CMIP: variants seen among roughly 807,000 people sequenced by gnomAD.
CMIP encodes the protein C-Maf-inducing protein.
A neutral mutation model predicts 97.3 loss-of-function variants in CMIP; 13 were observed. The observed-to-expected ratio is 0.13, with a 90% CI of 0.09 to 0.21. The LOEUF (loss-of-function observed/expected upper bound fraction) is 0.21. Among genes scored for constraint, CMIP ranks in the 10% least tolerant of loss-of-function variants. CMIP has a pLI of 1.00. For missense variants in CMIP, 847 were observed against 1,024.9 expected (o/e 0.83, Z 2.37); for synonymous variants, 538 against 436.3 (o/e 1.23, Z -2.91).
intron 1 of CMIP, among the ~76,000 whole-genome samples, chr16:81,488,999 C>T (rs1162736177): frequency 6.6e-6 from 1 of 150,914 alleles, no homozygotes; most frequent in Non-Finnish European, 1.5e-5. Context: ...TCAGTCTCTT[C>T]CCATTCTTTC....
chr16:81,666,596 G>A (rs1348562077), intron 7 of CMIP: 3 of 152,114 alleles, frequency 2.0e-5, no homozygotes, highest in Non-Finnish European at 2.9e-5. Flanking sequence ...AGAGAGTAGG[G>A]ACCCTCAGCC....
chr16:81,661,047 C>A (rs1199838817), intron 6 of CMIP, 101 bp downstream of exon 6: 5 of 1,451,444 alleles, frequency 3.4e-6, no homozygotes, highest in Non-Finnish European at 3.9e-6. Flanking sequence ...AACCTGGGCC[C>A]CACCGTCTTG....
In CMIP at chr16:81,548,633, G is replaced by A. The variant is rs534086499; in HGVS notation, c.301-58934G>A. On this transcript the variant is annotated intron_variant, in intron 1 of 20. Coordinates refer to ENST00000537098, the MANE Select transcript of CMIP (RefSeq NM_198390.3). ...AGGTGGGAGGATCACTTGAAGCTAGGAGTTGGAGACCAGCCTCAGCAACAT... is the reference window on the plus strand; with the variant it reads ...AGGTGGGAGGATCACTTGAAGCTAGAAGTTGGAGACCAGCCTCAGCAACAT... Among the ~76,000 whole-genome samples, 47 of 151,152 alleles carry A rather than the reference G, an allele frequency of 3.1e-4. No individual in the cohort carries two copies. The South Asian group carries it at 9.7e-3, about 31-fold the overall frequency.
chr16:81,474,144 C>CA (rs369941219), intron 1 of CMIP, among the ~76,000 whole-genome samples: 15 of 152,172 alleles, frequency 9.9e-5, no homozygotes, highest in African/African-American at 3.6e-4. Context: ...TCCACTCCCC[C>CA]AGCCTCCTAG....
intron 1 of CMIP, among the ~76,000 whole-genome samples, chr16:81,560,358 A>G (rs1001259575): frequency 1.3e-5 from 2 of 151,372 alleles, no homozygotes; most frequent in Non-Finnish European, 3.0e-5. Flanking sequence ...AGCTGGGACT[A>G]CAGGCTCCCG....
chr16:81,679,099 G>A (rs1904599509), intron 10 of CMIP, among the ~76,000 whole-genome samples: 1 of 152,228 alleles, frequency 6.6e-6, no homozygotes, highest in Non-Finnish European at 1.5e-5. Flanking sequence ...CATCTCTACT[G>A]TGTTGGGTGT....
At position 81,477,048 on chromosome 16, in the gene CMIP, G is replaced by C. The variant is rs551232032; in HGVS notation, c.300+31507G>C. On this transcript the variant is annotated intron_variant, in intron 1 of 20. Transcript: ENST00000537098. Reference sequence around the variant, plus strand: ...TTTTTATCTCGTGGGGCTAATTCATGCCGCGTTGAGCTGAGCACCTGGGCA... The same window carrying C: ...TTTTTATCTCGTGGGGCTAATTCATCCCGCGTTGAGCTGAGCACCTGGGCA... Among the ~76,000 whole-genome samples, 3 of 152,218 alleles carry C rather than the reference G, an allele frequency of 2.0e-5. No individual in the cohort carries two copies. In the East Asian group the frequency reaches 5.8e-4, roughly 29 times the overall value.
rs763266214 is a variant in CMIP, at chr16:81,499,975, T to C, written c.300+54434T>C. On this transcript the variant is annotated intron_variant, in intron 1 of 20. Coordinates refer to ENST00000537098, the MANE Select transcript of CMIP (RefSeq NM_198390.3). ...TGGGCTTCACCTGGCTCCTCTGCTT[T>C]GCTTGGGCTGCTGACTTCTGGAGGA... 3.0e-4 allele frequency among the ~76,000 whole-genome samples: 46 copies of C among 152,346 alleles called. No individual in the cohort carries two copies. In the Middle Eastern group the frequency reaches 0.01, roughly 34 times the overall value.
At chr16:81,638,171 A>T (rs1567625915) in intron 3 of CMIP, among the ~76,000 whole-genome samples, 1 of 152,152 alleles carries the variant, frequency 6.6e-6, no homozygotes, top group Non-Finnish European at 1.5e-5. Flanking sequence ...TCTCCTTTGT[A>T]TACTTCCTGG....
chr16:81,523,442 A>C (rs991271868), intron 1 of CMIP, among the ~76,000 whole-genome samples: 1 of 152,198 alleles, frequency 6.6e-6, no homozygotes, highest in Non-Finnish European at 1.5e-5. Flanking sequence ...GCCCACAGTC[A>C]CACGGCCGCA....
intron 1 of CMIP, among the ~76,000 whole-genome samples, chr16:81,602,654 C>T (rs1303055276): frequency 1.3e-5 from 2 of 152,200 alleles, no homozygotes; most frequent in African/African-American, 4.8e-5. Context: ...TTCAGGATGT[C>T]ATATAAATGG....
intron 1 of CMIP, among the ~76,000 whole-genome samples, chr16:81,458,643 G>A (rs1351569908): frequency 6.6e-6 from 1 of 152,136 alleles, no homozygotes; most frequent in Non-Finnish European, 1.5e-5. Flanking sequence ...GGGAGGTGGA[G>A]GCGTTAAATC....
At chr16:81,624,437 G>A (rs2092032810) in intron 3 of CMIP, among the ~76,000 whole-genome samples, 1 of 149,720 alleles carries the variant, frequency 6.7e-6, no homozygotes, top group East Asian at 2.0e-4. Flanking sequence ...ACGTTCTCCT[G>A]TATGTAAAGA....
At chr16:81,495,881 G>C (rs2089480741) in intron 1 of CMIP, among the ~76,000 whole-genome samples, 1 of 152,216 alleles carries the variant, frequency 6.6e-6, no homozygotes, top group Admixed American at 6.5e-5. Context: ...GAAGCTGTCA[G>C]TCCTCAGCCT....
chr16:81,580,729 C>T (rs1195544377), intron 1 of CMIP, among the ~76,000 whole-genome samples: 1 of 151,888 alleles, frequency 6.6e-6, no homozygotes, highest in African/African-American at 2.4e-5. Flanking sequence ...AGCCACTGCT[C>T]CTGGTTGCAG....
chr16:81,707,147 GTGCAT>G, intron 20 of CMIP, 63 bp downstream of exon 20: 8 of 1,371,036 alleles, frequency 5.8e-6, no homozygotes, highest in Non-Finnish European at 7.3e-6. Context: ...CTGGATGCTG[GTGCAT>G]CTCCTGCACA....
At chr16:81,678,660 G>T (rs1384892272) in intron 10 of CMIP, 32 bp downstream of exon 10, 1 of 1,091,078 alleles carries the variant, frequency 9.2e-7, no homozygotes, top group East Asian at 2.4e-5. Context: ...CCGCCCCCGG[G>T]GCCGGTGGGA....
chr16:81,592,728 C>T (rs1336260777), intron 1 of CMIP, among the ~76,000 whole-genome samples: 1 of 152,202 alleles, frequency 6.6e-6, no homozygotes, highest in East Asian at 1.9e-4. Flanking sequence ...CTCCTTTTCT[C>T]CTCCATGGAA....
intron 1 of CMIP, among the ~76,000 whole-genome samples, chr16:81,450,396 T>C (rs557691365): frequency 3.9e-5 from 6 of 152,200 alleles, no homozygotes; most frequent in Non-Finnish European, 8.8e-5. Flanking sequence ...GTGTGACTTT[T>C]GGTGCTTTGC....
Sources: gnomAD v4.1 joint callset for allele counts (sites outside exome capture counted in the v4.1 genomes callset) on GRCh38, gnomAD v4.1.1 for gene constraint, MANE v1.5 for transcripts, NCBI Gene and HGNC (gene_info 2026-07-23, HGNC 2026-07-21) for gene names.